The following KAT2B variants were observed in gnomAD, a reference collection of about 807,000 sequenced individuals.
The protein encoded by KAT2B is lysine acetyltransferase 2B, also known as histone acetyltransferase KAT2B.
Under a neutral mutation model 105.9 loss-of-function variants are expected in KAT2B, and 36 were observed. That is an observed-to-expected ratio of 0.34 (90% CI 0.26 to 0.45). The LOEUF (loss-of-function observed/expected upper bound fraction) is 0.45. Ranked by LOEUF, KAT2B falls within the 20% of genes least tolerant of loss-of-function variation. KAT2B has a pLI of 1.00. For missense variants in KAT2B, 820 were observed against 1,021.6 expected (o/e 0.80, Z 2.69); for synonymous variants, 397 against 377.9 (o/e 1.05, Z -0.59).
At position 20,152,690 on chromosome 3, in the gene KAT2B, G is replaced by T; in HGVS notation, c.*165G>T. The T allele has an allele frequency of 2.0e-6, 1 of 508,980 alleles. No individual in the cohort carries two copies. The allele number at this position is 508,980 out of a possible 1,614,324, so 31.5% of individuals were successfully genotyped here. A position where few individuals can be genotyped will look rare whatever the true frequency, so the allele number is the denominator to read the frequency against. On this transcript the variant is annotated 3_prime_UTR_variant, in exon 18 of 18. Coordinates refer to ENST00000263754, the MANE Select transcript of KAT2B (RefSeq NM_003884.5). The stretch of plus-strand genomic sequence containing the variant: ...AACCTCCTTTTAGCTTTTCAGATAT[G>T]TATTTAAATTGAAGTCATAGGACAT...
intron 6 of KAT2B, 49 bp from the exon 7 acceptor site, chr3:20,114,833 C>G: frequency 9.8e-7 from 1 of 1,023,286 alleles, no homozygotes; most frequent in Non-Finnish European, 1.5e-6. Context: ...GGGCTGTTAT[C>G]CTTACAGTAG....
At chr3:20,070,057 C>T (rs1352983960) in intron 1 of KAT2B, among the ~76,000 whole-genome samples, 1 of 152,048 alleles carries the variant, frequency 6.6e-6, no homozygotes, top group Non-Finnish European at 1.5e-5. Context: ...AGAGTTGGGC[C>T]TTCCTGATGC....
intron 6 of KAT2B, among the ~76,000 whole-genome samples, chr3:20,114,530 A>G (rs1699173107): frequency 7.0e-6 from 1 of 142,652 alleles, no homozygotes; most frequent in South Asian, 2.5e-4. Flanking sequence ...AAATATTAGT[A>G]ACTTTTATGA....
At chr3:20,149,823 G>T (rs1007885783) in intron 17 of KAT2B, among the ~76,000 whole-genome samples, 1 of 152,144 alleles carries the variant, frequency 6.6e-6, no homozygotes, top group African/African-American at 2.4e-5. Flanking sequence ...TGTCCACTAT[G>T]TGCAAAATAT....
At chr3:20,104,947 C>T (rs1459757836) in intron 5 of KAT2B, among the ~76,000 whole-genome samples, 6 of 148,382 alleles carry the variant, frequency 4.0e-5, no homozygotes, top group Admixed American at 6.8e-5. Flanking sequence ...AGTGCAGTGG[C>T]GCGACTCAGC....
intron 2 of KAT2B, among the ~76,000 whole-genome samples, chr3:20,083,016 C>T (rs1042532812): frequency 1.3e-5 from 2 of 152,082 alleles, no homozygotes; most frequent in Non-Finnish European, 2.9e-5. Flanking sequence ...TATTAATTTT[C>T]AAAAGATTGG....
intron 11 of KAT2B, among the ~76,000 whole-genome samples, chr3:20,135,870 A>G (rs1228741050): frequency 6.6e-6 from 1 of 152,210 alleles, no homozygotes; most frequent in Non-Finnish European, 1.5e-5. Context: ...GTCAATAAGT[A>G]GAAATAACAA....
At chr3:20,107,563 C>G (rs1388461056) in intron 5 of KAT2B, among the ~76,000 whole-genome samples, 2 of 146,410 alleles carry the variant, frequency 1.4e-5, no homozygotes, top group African/African-American at 5.0e-5. Context: ...GAGGCTGGGG[C>G]AGGAGAGTTG....
intron 9 of KAT2B, among the ~76,000 whole-genome samples, chr3:20,125,059 C>T (rs940485410): frequency 3.3e-5 from 5 of 152,144 alleles, no homozygotes; most frequent in African/African-American, 7.2e-5. Flanking sequence ...CGCGGTGGCT[C>T]AGCCTGTAAT....
At chr3:20,079,112 G>A (rs1295582227) in intron 2 of KAT2B, among the ~76,000 whole-genome samples, 6 of 150,306 alleles carry the variant, frequency 4.0e-5, no homozygotes. Context: ...AGTTAGCCAC[G>A]CTGGTCTCAA....
intron 5 of KAT2B, among the ~76,000 whole-genome samples, chr3:20,108,650 T>C (rs1699065014): frequency 6.8e-6 from 1 of 146,410 alleles, no homozygotes; most frequent in Non-Finnish European, 1.5e-5. Flanking sequence ...CTAAGAGCAA[T>C]AGACTAGACC....
Position 20,082,822 on chromosome 3 carries a change from A to C in KAT2B, c.430+10363A>C, listed in dbSNP as rs567056773. Reference sequence around the variant, plus strand: ...CGTAAGCATTTGCAATGAGTATGGCAGACTAAAGGTAGTACATAAGGTTTA... The same window carrying C: ...CGTAAGCATTTGCAATGAGTATGGCCGACTAAAGGTAGTACATAAGGTTTA... On this transcript the variant is annotated intron_variant, in intron 2 of 17. Transcript: ENST00000263754. Among the ~76,000 whole-genome samples the C allele has an allele frequency of 2.6e-5, 4 of 152,332 alleles. No homozygotes were observed. In the East Asian group the frequency reaches 7.7e-4, roughly 29 times the overall value.
chr3:20,096,737 T>G (rs1698818007), intron 3 of KAT2B, among the ~76,000 whole-genome samples: 1 of 152,200 alleles, frequency 6.6e-6, no homozygotes. Flanking sequence ...AGTGCAAATT[T>G]TGTACCCAGT....
chr3:20,133,244 C>T (rs1699542514), intron 11 of KAT2B, among the ~76,000 whole-genome samples: 1 of 152,112 alleles, frequency 6.6e-6, no homozygotes, highest in Non-Finnish European at 1.5e-5. Context: ...GCTTTTTTCC[C>T]ATTTAAATAA....
At chr3:20,139,668 A>C (rs1699664946) in intron 12 of KAT2B, among the ~76,000 whole-genome samples, 2 of 152,102 alleles carry the variant, frequency 1.3e-5, no homozygotes, top group African/African-American at 2.4e-5. Context: ...ATTATGGCTT[A>C]AAGTGTGTAA....
Position 20,152,703 on chromosome 3 carries a change from A to C in KAT2B, c.*178A>C. The C allele has an allele frequency of 2.0e-6, 1 of 488,878 alleles. No individual in the cohort carries two copies. Among genetic ancestry groups the C allele is most frequent in the South Asian group, 3.5e-5 (1 of 28,240 alleles). The allele number at this position is 488,878 out of a possible 1,614,324, so 30.3% of individuals were successfully genotyped here. On this transcript the variant is annotated 3_prime_UTR_variant, in exon 18 of 18. Coordinates refer to ENST00000263754, the MANE Select transcript of KAT2B (RefSeq NM_003884.5). ...CTTTTCAGATATGTATTTAAATTGA[A>C]GTCATAGGACATTTTTATTTTATGG...
Position 20,153,453 on chromosome 3 carries a change from C to A in KAT2B, c.*928C>A, listed in dbSNP as rs574661034. ...TTCTTTTCTATGATACACACAGCCA[C>A]GCTGATAATATGCAAATGAACATTT... On this transcript the variant is annotated 3_prime_UTR_variant, in exon 18 of 18. Transcript: ENST00000263754. The A allele has an allele frequency of 2.0e-5, 3 of 152,524 alleles. No homozygotes were observed. The highest frequency in any genetic ancestry group is 4.8e-5 in the African/African-American group (2 of 41,438). 9.4% of individuals were successfully genotyped at this position (152,524 alleles called of 1,614,324 possible). A position where few individuals can be genotyped will look rare whatever the true frequency, so the allele number is the denominator to read the frequency against.
intron 12 of KAT2B, among the ~76,000 whole-genome samples, chr3:20,139,279 GATAA>G (rs1699658609): frequency 1.3e-5 from 2 of 152,046 alleles, no homozygotes; most frequent in South Asian, 4.1e-4. Flanking sequence ...TCTGAAGACA[GATAA>G]ATAATCTCCT....
intron 1 of KAT2B, among the ~76,000 whole-genome samples, chr3:20,070,402 T>C (rs544846752): frequency 1.3e-3 from 201 of 151,242 alleles, no homozygotes; most frequent in African/African-American, 4.5e-3. Context: ...CCTCCCAGGT[T>C]CACGCCATTC....
Sources: gnomAD v4.1 joint callset for allele counts (sites outside exome capture counted in the v4.1 genomes callset) on GRCh38, gnomAD v4.1.1 for gene constraint, MANE v1.5 for transcripts, NCBI Gene and HGNC (gene_info 2026-07-23, HGNC 2026-07-21) for gene names.